The following STK31 variants were observed in gnomAD, a reference collection of about 807,000 sequenced individuals.
STK31 encodes the protein serine/threonine kinase 31.
STK31 carries 89 observed loss-of-function variants against 129.7 expected under a neutral mutation model. The observed-to-expected ratio is 0.69, with a 90% CI of 0.58 to 0.82. The LOEUF is 0.82. Ranked by LOEUF, STK31 falls within the 40% of genes least tolerant of loss-of-function variation. The probability of loss-of-function intolerance (pLI) is 0.00; values close to 1 mark genes in which losing one functional copy is unlikely to be tolerated. For synonymous variants in STK31, 448 were observed against 395.3 expected (o/e 1.13, Z -1.58); for missense variants, 1,187 against 1,176.4 (o/e 1.01, Z -0.13).
Position 23,712,037 on chromosome 7 carries a change from G to A in STK31, c.51-62G>A, listed in dbSNP as rs1243108843. 5 of 1,356,200 alleles carry A rather than the reference G, an allele frequency of 3.7e-6. No homozygotes were observed. The East Asian group carries it at 7.0e-5, about 19-fold the overall frequency. The allele number at this position is 1,356,200 out of a possible 1,614,324, so 84.0% of individuals were successfully genotyped here. A position where few individuals can be genotyped will look rare whatever the true frequency, so the allele number is the denominator to read the frequency against. On this transcript the variant is annotated intron_variant, in intron 1 of 23. Coordinates refer to ENST00000355870, the MANE Select transcript of STK31 (RefSeq NM_031414.5). ...ATTTGTAAGAATTGAACATGATGTAGTTTAGTCTTCATTCATTATTAATGG... is the reference window on the plus strand; with the variant it reads ...ATTTGTAAGAATTGAACATGATGTAATTTAGTCTTCATTCATTATTAATGG...
chr7:23,764,474 G>T (rs1458502873), intron 11 of STK31, among the ~76,000 whole-genome samples: 1 of 151,988 alleles, frequency 6.6e-6, no homozygotes, highest in Non-Finnish European at 1.5e-5. Context: ...CTATAATGAA[G>T]GTCAAATAAA....
intron 15 of STK31, among the ~76,000 whole-genome samples, chr7:23,776,349 T>G (rs1441306272): frequency 6.6e-6 from 1 of 152,198 alleles, no homozygotes; most frequent in African/African-American, 2.4e-5. Flanking sequence ...CCTCATAAAA[T>G]GAGTTAGGGA....
intron 20 of STK31, among the ~76,000 whole-genome samples, 199 bp from the exon 21 acceptor site, chr7:23,787,778 ACAC>A (rs1791380222): frequency 1.3e-5 from 2 of 148,542 alleles, no homozygotes; most frequent in Non-Finnish European, 3.0e-5. Context: ...ACACACACAC[ACAC>A]AAACACACAC....
chr7:23,764,885 A>G (rs1424653169), intron 11 of STK31, among the ~76,000 whole-genome samples: 2 of 152,116 alleles, frequency 1.3e-5, no homozygotes, highest in African/African-American at 2.4e-5. Flanking sequence ...AACCTAAACT[A>G]AAAGTCAAAA....
intron 23 of STK31, among the ~76,000 whole-genome samples, chr7:23,821,619 A>G (rs1254935981): frequency 6.6e-6 from 1 of 152,070 alleles, no homozygotes; most frequent in Non-Finnish European, 1.5e-5. Context: ...CACTCTGTTG[A>G]TTATTTCCTT....
chr7:23,730,347 T>C (rs1787329098), intron 6 of STK31, among the ~76,000 whole-genome samples: 1 of 152,194 alleles, frequency 6.6e-6, no homozygotes, highest in South Asian at 2.1e-4. Context: ...GGGTATAGTT[T>C]TGTCTGCTAT....
intron 4 of STK31, among the ~76,000 whole-genome samples, chr7:23,724,176 C>G (rs956402303): frequency 6.6e-6 from 1 of 152,182 alleles, no homozygotes; most frequent in African/African-American, 2.4e-5. Flanking sequence ...CTATGCCGGA[C>G]AGGAACTCAA....
rs1791399439 is a variant in STK31 at position 23,787,966 on chromosome 7, G to A, written c.2488-14G>A. 6.5e-7 allele frequency: 1 copy of A among 1,528,458 alleles called. No individual in the cohort carries two copies. The allele number at this position is 1,528,458 out of a possible 1,614,324, so 94.7% of individuals were successfully genotyped here. A position where few individuals can be genotyped will look rare whatever the true frequency, so the allele number is the denominator to read the frequency against. On this transcript the variant is annotated splice_polypyrimidine_tract_variant and intron_variant, in intron 20 of 23. Coordinates refer to ENST00000355870, the MANE Select transcript of STK31 (RefSeq NM_031414.5). ...GCCTACTTCCTCACTTCTTTTATGT[G>A]TACTTATCTATAGGAAACTTTAAAG... is the stretch of plus-strand genomic sequence containing the variant.
intron 22 of STK31, among the ~76,000 whole-genome samples, chr7:23,807,471 A>G (rs978633882): frequency 2.6e-5 from 4 of 152,078 alleles, no homozygotes; most frequent in African/African-American, 9.7e-5. Context: ...ACCAGTTTCA[A>G]GATTTTTGTT....
chr7:23,809,457 A>T (rs1792946503), intron 22 of STK31, among the ~76,000 whole-genome samples: 1 of 152,158 alleles, frequency 6.6e-6, no homozygotes, highest in Non-Finnish European at 1.5e-5. Context: ...TTTTCATCAA[A>T]TTTGAGCACT....
Position 23,727,301 on chromosome 7 carries a change from A to T in STK31, c.310A>T (p.Ile104Phe). ...GTACAGATGCAAAGTACTGAAAATC[A>T]TCAGCGTTGAAAAGGCAGGAAATTA... The part of the protein sequence containing the change: ...CWYRCKVLKI[I>F]SVEKCLVRYI... The change falls in exon 5 of 24, where the codon ATC (isoleucine) becomes TTC (phenylalanine). Residue 104 changes from isoleucine to phenylalanine, a missense_variant. Around this residue, in one of 5 missense-constraint regions of STK31, gnomAD observed 103 missense variants for 110.4 expected, o/e 0.93. Transcript: ENST00000355870. 6.2e-7 allele frequency: 1 copy of T among 1,613,594 alleles called. No individual in the cohort carries two copies.
chr7:23,780,325 G>A (rs761106688), intron 15 of STK31, among the ~76,000 whole-genome samples: 2 of 152,214 alleles, frequency 1.3e-5, no homozygotes, highest in African/African-American at 2.4e-5. Context: ...CTTTTAAAGT[G>A]TAAACCAAAC....
chr7:23,723,154 A>T (rs1389090549), intron 4 of STK31, among the ~76,000 whole-genome samples: 4 of 152,092 alleles, frequency 2.6e-5, no homozygotes, highest in African/African-American at 7.2e-5. Context: ...CGTCGCTCAC[A>T]CTGGGAGCTT....
chr7:23,715,581 A>C (rs1786265116), intron 3 of STK31, among the ~76,000 whole-genome samples: 2 of 151,650 alleles, frequency 1.3e-5, no homozygotes, highest in Admixed American at 6.6e-5. Context: ...GATTGCACCA[A>C]ACAAACAAAC....
At chr7:23,733,214 GTGTT>G (rs763019537) in intron 6 of STK31, among the ~76,000 whole-genome samples, 4 of 152,016 alleles carry the variant, frequency 2.6e-5, no homozygotes, top group East Asian at 3.9e-4. Flanking sequence ...TAAAACCTGT[GTGTT>G]TGTTAACCTA....
chr7:23,775,003 C>T (rs1016216761), intron 15 of STK31, among the ~76,000 whole-genome samples: 107 of 152,114 alleles, frequency 7.0e-4, no homozygotes, highest in African/African-American at 2.5e-3. Flanking sequence ...ATGGCTAGCC[C>T]GTTTTCCCAA....
chr7:23,814,146 C>CTTTTTTTTTTTTTTTTTTTTTTTTTT, intron 22 of STK31, among the ~76,000 whole-genome samples: 1 of 98,916 alleles, frequency 1.0e-5, no homozygotes. Context: ...ATCTGGCTCA[C>CTTTTTTTTTTTTTTTTTTTTTTTTTT]TTATTTTTTT....
intron 10 of STK31, among the ~76,000 whole-genome samples, chr7:23,755,656 C>T (rs113905289): frequency 3.9e-5 from 6 of 152,190 alleles, no homozygotes; most frequent in African/African-American, 1.4e-4. Context: ...GTCTTTAATC[C>T]ATCTAGAGTT....
intron 15 of STK31, among the ~76,000 whole-genome samples, chr7:23,780,083 A>G (rs1302801337): frequency 1.3e-5 from 2 of 152,152 alleles, no homozygotes; most frequent in East Asian, 3.9e-4. Context: ...TCCCTTGGCT[A>G]GGAGAGCGAG....
Sources: allele counts gnomAD v4.1 joint callset (sites outside exome capture counted in the v4.1 genomes callset), GRCh38; gene constraint gnomAD v4.1.1; regional missense constraint gnomAD v4.1.1; transcripts MANE v1.5; gene names NCBI Gene and HGNC (gene_info 2026-07-23, HGNC 2026-07-21).